Variants in STK24 observed in about 807,000 individuals in gnomAD.
STK24 encodes serine/threonine kinase 24, also known as serine/threonine-protein kinase 24.
In STK24, 21 loss-of-function variants were observed where a neutral mutation model predicts 55.6. That is an observed-to-expected ratio of 0.38 (90% CI 0.27 to 0.54). The LOEUF is 0.54. Ranked by LOEUF, STK24 falls within the 20% of genes least tolerant of loss-of-function variation. The pLI is 0.79. For synonymous variants in STK24, 200 were observed against 215.2 expected, an observed-to-expected ratio of 0.93 and a Z score of 0.62; for missense variants, 383 against 538.4, an observed-to-expected ratio of 0.71 and a Z score of 2.86.
intron 1 of STK24, among the ~76,000 whole-genome samples, chr13:98,569,895 G>C (rs1012027623): frequency 8.9e-6 from 1 of 112,540 alleles, no homozygotes; most frequent in Non-Finnish European, 1.8e-5. Flanking sequence ...TTTTTTTTTT[G>C]AGATGGAGTT....
At position 98,449,753 on chromosome 13, in the gene STK24, G is replaced by A. The variant is rs1220546670; in HGVS notation, c.*3420C>T. 1.4e-5 allele frequency: 2 copies of A among 144,136 alleles called. No individual in the cohort carries two copies. The highest frequency in any genetic ancestry group is 7.1e-5 in the Admixed American group (1 of 14,068). 8.9% of individuals were successfully genotyped at this position (144,136 alleles called of 1,614,324 possible). On this transcript the variant is annotated 3_prime_UTR_variant, in exon 11 of 11. Coordinates refer to ENST00000539966, the MANE Select transcript of STK24 (RefSeq NM_001032296.4). The stretch of plus-strand genomic sequence containing the variant: ...TCACGCCACAATCCAGCATATTGAT[G>A]TTTTAAGGCAAAACAACCAACTTTG...
At position 98,475,368 on chromosome 13, in the gene STK24, G is replaced by T; in HGVS notation, c.331-10C>A. 6.4e-7 allele frequency: 1 copy of T among 1,564,834 alleles called. No individual in the cohort carries two copies. The highest frequency in any genetic ancestry group is 1.2e-5 in the South Asian group (1 of 84,708). ...ATGGGCCAGGTTCTAACTAAGAAGA[G>T]AAAAAAATTCTTAAAGTTACTTAAA... On this transcript the variant is annotated splice_polypyrimidine_tract_variant and intron_variant, in intron 3 of 10. Transcript: ENST00000539966.
intron 9 of STK24, among the ~76,000 whole-genome samples, chr13:98,457,583 C>T (rs1306552624): frequency 2.0e-5 from 3 of 151,694 alleles, no homozygotes; most frequent in African/African-American, 7.3e-5. Context: ...GATTCTCCTG[C>T]CTCAGCCTCC....
intron 2 of STK24, among the ~76,000 whole-genome samples, chr13:98,498,669 G>A (rs1895335923): frequency 6.6e-6 from 1 of 152,204 alleles, no homozygotes; most frequent in Non-Finnish European, 1.5e-5. Flanking sequence ...TGGCTATCAG[G>A]TTAGATGGAC....
chr13:98,487,315 A>G (rs1339979984), intron 2 of STK24, among the ~76,000 whole-genome samples: 1 of 152,232 alleles, frequency 6.6e-6, no homozygotes, highest in South Asian at 2.1e-4. Flanking sequence ...ACTTTAATCG[A>G]AATAATTTCA....
intron 9 of STK24, among the ~76,000 whole-genome samples, chr13:98,457,718 C>T (rs1461801687): frequency 6.6e-6 from 1 of 152,200 alleles, no homozygotes; most frequent in African/African-American, 2.4e-5. Flanking sequence ...GATCCGCCCG[C>T]CTCGGCCTCT....
intron 2 of STK24, among the ~76,000 whole-genome samples, chr13:98,492,797 G>A (rs552606599): frequency 1.3e-5 from 2 of 152,244 alleles, no homozygotes; most frequent in South Asian, 4.2e-4. Context: ...TCTCCCCTTA[G>A]GTAATCAGCC....
intron 1 of STK24, chr13:98,553,255 C>T (rs1334044110): frequency 6.6e-6 from 1 of 152,266 alleles, no homozygotes; most frequent in East Asian, 1.9e-4. Flanking sequence ...TGAAGGAGGT[C>T]CCCAGAAGCC....
intron 3 of STK24, among the ~76,000 whole-genome samples, chr13:98,477,215 T>G (rs1894411760): frequency 6.6e-6 from 1 of 152,218 alleles, no homozygotes; most frequent in Non-Finnish European, 1.5e-5. Context: ...TCCACATCTA[T>G]TTTTCAGTGT....
At chr13:98,571,527 TA>T (rs1897739675) in intron 1 of STK24, among the ~76,000 whole-genome samples, 1 of 152,142 alleles carries the variant, frequency 6.6e-6, no homozygotes, top group Admixed American at 6.5e-5. Context: ...TGGGTTTTTC[TA>T]ATTTAAAAAA....
Position 98,446,485 on chromosome 13 carries a change from G to A in STK24, c.*6688C>T, listed in dbSNP as rs775769261. ...GCTTTATCTACAGCTCAGTCCTGGC[G>A]GGACTTGCCACCCGGGCCATCACGT... is the stretch of plus-strand genomic sequence containing the variant. On this transcript the variant is annotated 3_prime_UTR_variant, in exon 11 of 11. Coordinates refer to ENST00000539966, the MANE Select transcript of STK24 (RefSeq NM_001032296.4). 5.6e-5 allele frequency: 36 copies of A among 644,960 alleles called. No individual in the cohort carries two copies. Among genetic ancestry groups the A allele is most frequent in the Non-Finnish European group, 8.8e-5 (33 of 373,462 alleles). The allele number at this position is 644,960 out of a possible 1,614,324, so 40.0% of individuals were successfully genotyped here. A position where few individuals can be genotyped will look rare whatever the true frequency, so the allele number is the denominator to read the frequency against.
At chr13:98,476,678 G>A (rs913176598) in intron 3 of STK24, among the ~76,000 whole-genome samples, 7 of 152,174 alleles carry the variant, frequency 4.6e-5, no homozygotes, top group Non-Finnish European at 1.0e-4. Flanking sequence ...GCAGTGTGGG[G>A]GCAACCGAGA....
chr13:98,557,257 T>C (rs1410290240), intron 1 of STK24, among the ~76,000 whole-genome samples: 2 of 152,238 alleles, frequency 1.3e-5, no homozygotes, highest in African/African-American at 4.8e-5. Context: ...GTCTCTAGCC[T>C]GAACTCTTCC....
At chr13:98,503,841 C>A (rs77299378) in intron 2 of STK24, among the ~76,000 whole-genome samples, 1 of 152,118 alleles carries the variant, frequency 6.6e-6, no homozygotes, top group Non-Finnish European at 1.5e-5. Context: ...TGTGACTGCC[C>A]CCAGGAACAT....
chr13:98,493,943 C>T (rs375090946), intron 2 of STK24, among the ~76,000 whole-genome samples: 1 of 150,572 alleles, frequency 6.6e-6, no homozygotes, highest in African/African-American at 2.4e-5. Context: ...CCCGGGTTCA[C>T]ACCATTATCC....
intron 2 of STK24, among the ~76,000 whole-genome samples, chr13:98,510,680 A>G (rs1379249296): frequency 6.6e-6 from 1 of 152,230 alleles, no homozygotes; most frequent in Admixed American, 6.5e-5. Flanking sequence ...CACATGTTCT[A>G]TAATTACACT....
chr13:98,543,442 G>GC (rs1253317900), intron 1 of STK24, among the ~76,000 whole-genome samples: 1 of 152,176 alleles, frequency 6.6e-6, no homozygotes, highest in Non-Finnish European at 1.5e-5. Context: ...ACCTCTCAGA[G>GC]TGGGGCCTCA....
chr13:98,491,803 T>A (rs1895047868), intron 2 of STK24, among the ~76,000 whole-genome samples: 1 of 151,536 alleles, frequency 6.6e-6, no homozygotes, highest in Non-Finnish European at 1.5e-5. Flanking sequence ...GAGAAATGAA[T>A]CCAATCATTT....
intron 2 of STK24, among the ~76,000 whole-genome samples, chr13:98,488,447 C>A (rs1894892057): frequency 6.6e-6 from 1 of 152,152 alleles, no homozygotes. Context: ...TAAGGCTGAA[C>A]ATCTTTATAT....
Sources: gnomAD v4.1 joint callset for allele counts (sites outside exome capture counted in the v4.1 genomes callset) on GRCh38, gnomAD v4.1.1 for gene constraint, MANE v1.5 for transcripts, NCBI Gene and HGNC (gene_info 2026-07-23, HGNC 2026-07-21) for gene names.